The following GALNT13 variants were observed in gnomAD, a reference collection of about 807,000 sequenced individuals.
GALNT13 encodes polypeptide N-acetylgalactosaminyltransferase 13, also known as UDP-GalNAc:polypeptide N-acetylgalactosaminyltransferase 13.
Under a neutral mutation model 64.2 loss-of-function variants are expected in GALNT13, and 28 were observed. The observed-to-expected ratio is 0.44, with a 90% CI of 0.32 to 0.60. The LOEUF is 0.60. Among genes scored for constraint, GALNT13 ranks in the 20% least tolerant of loss-of-function variants. The pLI is 0.05. For missense variants in GALNT13, 577 were observed against 669.8 expected (o/e 0.86, Z 1.53); for synonymous variants, 214 against 224.6 (o/e 0.95, Z 0.42).
chr2:153,506,529 G>A, the GALNT13 span, among the ~76,000 whole-genome samples: 432 of 152,230 alleles, frequency 2.8e-3, 3 homozygotes, highest in Middle Eastern at 0.027. Flanking sequence ...TGTAGTGCTG[G>A]CTTAGTAGTG....
At chr2:153,579,930 C>T in the GALNT13 span, among the ~76,000 whole-genome samples, 10 of 152,108 alleles carry the variant, frequency 6.6e-5, no homozygotes, top group Non-Finnish European at 1.5e-5. Context: ...AAACCGGTCC[C>T]AGGTGTCAAA....
intron 3 of GALNT13, among the ~76,000 whole-genome samples, chr2:153,959,799 C>A (rs1272254215): frequency 6.6e-6 from 1 of 152,126 alleles, no homozygotes; most frequent in Non-Finnish European, 1.5e-5. Context: ...GAGGCGGGCC[C>A]CACACAAACC....
intron 3 of GALNT13, among the ~76,000 whole-genome samples, chr2:154,034,699 G>A (rs574748857): frequency 6.6e-6 from 1 of 152,074 alleles, no homozygotes; most frequent in African/African-American, 2.4e-5. Flanking sequence ...GTGGTATTTG[G>A]CTTTCTGTTT....
rs375714992 is a variant in GALNT13 at position 153,966,916 on chromosome 2, C to CT, written c.142+22284dup. Among the ~76,000 whole-genome samples, 1,047 of 152,026 alleles carry CT rather than the reference C, an allele frequency of 6.9e-3. 14 individuals carry two copies. The highest frequency in any genetic ancestry group is 0.024 in the African/African-American group (1,005 of 41,468). ...CTAGATTTTGTGGGATTAGTTCATT[C>CT]TTTTTTTATTTTTTCACCCCTGACT... On this transcript the variant is annotated intron_variant, in intron 3 of 12. Coordinates refer to ENST00000392825, the MANE Select transcript of GALNT13 (RefSeq NM_052917.4).
chr2:153,189,236 C>A, the GALNT13 span, among the ~76,000 whole-genome samples: 2 of 152,254 alleles, frequency 1.3e-5, no homozygotes, highest in East Asian at 3.9e-4. Context: ...AAACCCACAC[C>A]TTTCCCAGCA....
chr2:153,779,450 A>C, the GALNT13 span, among the ~76,000 whole-genome samples: 37 of 152,314 alleles, frequency 2.4e-4, no homozygotes, highest in Middle Eastern at 6.8e-3. Flanking sequence ...TTAATTCTTA[A>C]AGTGCATATT....
intron 9 of GALNT13, among the ~76,000 whole-genome samples, chr2:154,302,808 T>A (rs938007781): frequency 5.3e-5 from 8 of 152,108 alleles, no homozygotes; most frequent in Non-Finnish European, 1.0e-4. Context: ...AGGTTCTTAT[T>A]ATACAGATGA....
At chr2:154,142,537 G>A (rs1430456067) in intron 4 of GALNT13, among the ~76,000 whole-genome samples, 2 of 91,744 alleles carry the variant, frequency 2.2e-5, no homozygotes, top group South Asian at 3.7e-4. Context: ...CAACAAGAGC[G>A]AAACTCTGTC....
the GALNT13 span, among the ~76,000 whole-genome samples, chr2:153,669,230 G>A: frequency 6.6e-6 from 1 of 152,172 alleles, no homozygotes; most frequent in African/African-American, 2.4e-5. Context: ...TTGTTAGCAT[G>A]CACTCATCCA....
At chr2:153,954,919 A>G (rs1224515916) in intron 3 of GALNT13, among the ~76,000 whole-genome samples, 1 of 152,042 alleles carries the variant, frequency 6.6e-6, no homozygotes, top group Non-Finnish European at 1.5e-5. Flanking sequence ...ACATTTATAT[A>G]CTATGTATGA....
chr2:153,539,272 AT>A, the GALNT13 span, among the ~76,000 whole-genome samples: 1 of 151,868 alleles, frequency 6.6e-6, no homozygotes, highest in Non-Finnish European at 1.5e-5. Context: ...GTTTGAGTTC[AT>A]TGTAGATTCT....
At chr2:153,733,277 T>A in the GALNT13 span, among the ~76,000 whole-genome samples, 1 of 152,170 alleles carries the variant, frequency 6.6e-6, no homozygotes, top group South Asian at 2.1e-4. Flanking sequence ...TCTTCATTTA[T>A]CATGTGTCCA....
Position 154,086,786 on chromosome 2 carries a change from G to T in GALNT13, c.143-53551G>T, listed in dbSNP as rs144352897. On this transcript the variant is annotated intron_variant, in intron 3 of 12. Transcript: ENST00000392825. ...AGCATACGCGCACACACACACACAC[G>T]CGCACGCGATAGGATCCAGATTGAT... Among the ~76,000 whole-genome samples the T allele has an allele frequency of 3.3e-5, 5 of 151,918 alleles. No individual in the cohort carries two copies. The South Asian group carries it at 8.3e-4, about 25-fold the overall frequency.
At chr2:153,834,197 G>A in the GALNT13 span, among the ~76,000 whole-genome samples, 1 of 152,056 alleles carries the variant, frequency 6.6e-6, no homozygotes, top group Non-Finnish European at 1.5e-5. Flanking sequence ...CCCAGAGAAT[G>A]TGCTTAATCT....
the GALNT13 span, among the ~76,000 whole-genome samples, chr2:153,802,941 C>T: frequency 6.6e-6 from 1 of 152,326 alleles, no homozygotes; most frequent in East Asian, 1.9e-4. Context: ...AGCACTTGGC[C>T]TCACATATTT....
At chr2:154,164,183 T>C (rs67227306) in intron 4 of GALNT13, among the ~76,000 whole-genome samples, 8,690 of 151,658 alleles carry the variant, frequency 0.057, 354 homozygotes, top group South Asian at 0.11. Context: ...CAGGAAAAAA[T>C]AGTTAAGAAT....
the GALNT13 span, among the ~76,000 whole-genome samples, chr2:153,332,069 TG>T: frequency 6.6e-6 from 1 of 152,358 alleles, no homozygotes; most frequent in South Asian, 2.1e-4. Context: ...TTGGATTTTC[TG>T]TCTGTTTTTT....
chr2:153,689,827 G>A, the GALNT13 span, among the ~76,000 whole-genome samples: 1 of 152,056 alleles, frequency 6.6e-6, no homozygotes, highest in Non-Finnish European at 1.5e-5. Context: ...AGCGGGAATG[G>A]TGGTGGGCTT....
intron 11 of GALNT13, among the ~76,000 whole-genome samples, chr2:154,425,399 T>C (rs707060): frequency 0.95 from 144,026 of 152,258 alleles, 68,301 homozygotes; most frequent in African/African-American, 0.97. Context: ...GTTTTACATT[T>C]ACATGCTTAG....
Sources: gnomAD v4.1 joint callset for allele counts (sites outside exome capture counted in the v4.1 genomes callset) on GRCh38, gnomAD v4.1.1 for gene constraint, MANE v1.5 for transcripts, NCBI Gene and HGNC (gene_info 2026-07-23, HGNC 2026-07-21) for gene names.